FHIT: variants seen among roughly 807,000 people sequenced by gnomAD.
FHIT encodes the protein fragile histidine triad diadenosine triphosphatase.
A neutral mutation model predicts 17.9 loss-of-function variants in FHIT; 19 were observed. The ratio of observed to expected loss-of-function variants is 1.06; its 90% CI spans 0.74 to 1.56. FHIT has a LOEUF of 1.56. Among genes scored for constraint, FHIT ranks in the 40% most tolerant of loss-of-function variants. FHIT has a pLI of 0.00. For synonymous variants in FHIT, 81 were observed against 69.7 expected (o/e 1.16, Z -0.81); for missense variants, 248 against 189.2 (o/e 1.31, Z -1.82).
intron 5 of FHIT, among the ~76,000 whole-genome samples, chr3:60,166,772 C>T (rs945199701): frequency 1.3e-5 from 2 of 152,156 alleles, no homozygotes; most frequent in Non-Finnish European, 2.9e-5. Flanking sequence ...TTCTCTTTCC[C>T]TAACTAGATT....
chr3:60,448,418 A>G (rs2107358117), intron 5 of FHIT, among the ~76,000 whole-genome samples: 1 of 152,310 alleles, frequency 6.6e-6, no homozygotes. Flanking sequence ...ACTGATGTCC[A>G]AAAAATAAAA....
chr3:60,646,008 C>G lies in FHIT; in HGVS notation c.-17-109029G>C, dbSNP rs561046373. Among the ~76,000 whole-genome samples the G allele has an allele frequency of 8.5e-5, 13 of 152,288 alleles. No homozygotes were observed. In the South Asian group the frequency reaches 2.7e-3, roughly 32 times the overall value. ...CACACATGAAATTACTCTCGAATAA[C>G]TAGCTATTGGTGACATTCCTGATAG... On this transcript the variant is annotated intron_variant, in intron 4 of 9. Transcript: ENST00000492590.
intron 5 of FHIT, among the ~76,000 whole-genome samples, chr3:60,419,291 A>G (rs991888329): frequency 6.6e-6 from 1 of 151,962 alleles, no homozygotes; most frequent in Non-Finnish European, 1.5e-5. Flanking sequence ...TGTCGTCAAC[A>G]CTCACCTCTC....
chr3:60,949,332 A>T (rs17064253), intron 3 of FHIT, among the ~76,000 whole-genome samples: 2,937 of 152,230 alleles, frequency 0.019, 96 homozygotes, highest in African/African-American at 0.067. Flanking sequence ...CAGCCTTTCA[A>T]CCTTGCTATG....
At chr3:60,000,183 A>G (rs1289287614) in intron 7 of FHIT, among the ~76,000 whole-genome samples, 1 of 152,176 alleles carries the variant, frequency 6.6e-6, no homozygotes, top group Admixed American at 6.5e-5. Flanking sequence ...CCGATCCTTT[A>G]GAGTGTAGGA....
At chr3:60,841,742 A>C (rs1702729728) in intron 3 of FHIT, among the ~76,000 whole-genome samples, 1 of 152,198 alleles carries the variant, frequency 6.6e-6, no homozygotes, top group Non-Finnish European at 1.5e-5. Flanking sequence ...TGAATGCCTA[A>C]GGGAAAGGAT....
At chr3:59,820,100 CTAAGG>C (rs1700737076) in intron 8 of FHIT, among the ~76,000 whole-genome samples, 1 of 152,184 alleles carries the variant, frequency 6.6e-6, no homozygotes, top group African/African-American at 2.4e-5. Flanking sequence ...ATTACCCAGG[CTAAGG>C]TATTTTATTG....
intron 5 of FHIT, among the ~76,000 whole-genome samples, chr3:60,473,154 T>C (rs2033174804): frequency 6.6e-6 from 1 of 152,206 alleles, no homozygotes; most frequent in South Asian, 2.1e-4. Context: ...AATAGGTATA[T>C]GCACTTGAAA....
intron 5 of FHIT, among the ~76,000 whole-genome samples, chr3:60,505,696 T>C (rs2034701162): frequency 6.6e-6 from 1 of 152,190 alleles, no homozygotes; most frequent in African/African-American, 2.4e-5. Flanking sequence ...CTATTTTTCA[T>C]GTGGTAAATC....
At chr3:60,263,596 C>CA (rs1706410908) in intron 5 of FHIT, among the ~76,000 whole-genome samples, 1 of 151,836 alleles carries the variant, frequency 6.6e-6, no homozygotes, top group Non-Finnish European at 1.5e-5. Context: ...TCCATTTATA[C>CA]AAAATACTTA....
intron 4 of FHIT, among the ~76,000 whole-genome samples, chr3:60,741,422 G>C (rs1253467053): frequency 6.6e-6 from 1 of 152,244 alleles, no homozygotes; most frequent in Non-Finnish European, 1.5e-5. Flanking sequence ...TCTGGCAGAA[G>C]CATGCAGGTA....
At chr3:60,524,749 C>A (rs2035510066) in intron 5 of FHIT, among the ~76,000 whole-genome samples, 1 of 152,158 alleles carries the variant, frequency 6.6e-6, no homozygotes, top group South Asian at 2.1e-4. Context: ...GTTGTGTCCT[C>A]CTTTTCTCCA....
At chr3:61,090,730 A>G (rs951276006) in intron 2 of FHIT, among the ~76,000 whole-genome samples, 1 of 152,224 alleles carries the variant, frequency 6.6e-6, no homozygotes, top group Non-Finnish European at 1.5e-5. Flanking sequence ...GAAAGGGATG[A>G]TATATGTTTA....
Position 60,527,430 on chromosome 3 carries a change from G to C in FHIT, c.103+9430C>G, listed in dbSNP as rs537482888. Among the ~76,000 whole-genome samples, 6 of 152,296 alleles carry C rather than the reference G, an allele frequency of 3.9e-5. No homozygotes were observed. In the South Asian group the frequency reaches 1.0e-3, roughly 26 times the overall value. On this transcript the variant is annotated intron_variant, in intron 5 of 9. Transcript: ENST00000492590. ...TGAAAATTAATCTTAAAGATAAAAA[G>C]AAGTTCTTGATAACTTCAGGCATTT...
At chr3:60,671,047 G>A (rs547645824) in intron 4 of FHIT, among the ~76,000 whole-genome samples, 27 of 152,218 alleles carry the variant, frequency 1.8e-4, no homozygotes, top group Admixed American at 5.2e-4. Flanking sequence ...GAACCTGAAG[G>A]GAATTAAAAA....
At chr3:60,278,643 A>G (rs969779837) in intron 5 of FHIT, among the ~76,000 whole-genome samples, 8 of 152,106 alleles carry the variant, frequency 5.3e-5, no homozygotes, top group African/African-American at 1.9e-4. Flanking sequence ...GAGCACACAG[A>G]AGCATCTGGA....
intron 8 of FHIT, among the ~76,000 whole-genome samples, chr3:59,866,861 C>A (rs1041307487): frequency 4.1e-4 from 63 of 152,076 alleles, no homozygotes; most frequent in African/African-American, 1.4e-3. Context: ...CACCGGCAAT[C>A]GCATTCTTGC....
intron 5 of FHIT, among the ~76,000 whole-genome samples, chr3:60,233,224 T>C (rs935674919): frequency 6.6e-6 from 1 of 152,184 alleles, no homozygotes; most frequent in Non-Finnish European, 1.5e-5. Flanking sequence ...AGTAAAATCT[T>C]AAGAACTTGT....
chr3:60,340,464 T>G (rs1710461382), intron 5 of FHIT, among the ~76,000 whole-genome samples: 1 of 152,112 alleles, frequency 6.6e-6, no homozygotes, highest in South Asian at 2.1e-4. Flanking sequence ...TCCATGCCCT[T>G]CAGATGCAAA....
Sources: allele counts gnomAD v4.1 joint callset (sites outside exome capture counted in the v4.1 genomes callset), GRCh38; gene constraint gnomAD v4.1.1; transcripts MANE v1.5; gene names NCBI Gene and HGNC (gene_info 2026-07-23, HGNC 2026-07-21).